Variants in SAXO1 observed in about 807,000 individuals in gnomAD.
SAXO1 encodes the protein 4930500O09Rik.
In SAXO1, 21 loss-of-function variants were observed where a neutral mutation model predicts 17.5. The observed-to-expected ratio is 1.20, with a 90% confidence interval of 0.85 to 1.72. SAXO1 has a LOEUF of 1.72. Among genes scored for constraint, SAXO1 ranks in the 40% most tolerant of loss-of-function variants. The pLI is 0.00. For missense variants in SAXO1, 843 were observed against 596.0 expected (o/e 1.41, Z -4.32); for synonymous variants, 274 against 216.5 (o/e 1.27, Z -2.33).
chr9:18,928,379 C>T lies in SAXO1; in HGVS notation c.1098G>A (p.Glu366=). ...KPVPQLDLPT[E]PLDCLTTTRA... is the part of the protein sequence containing the mutation. ...GAGTGGTGGTCAGGCAGTCCAGGGG[C>T]TCGGTGGGCAAGTCCAGCTGGGGAA... Residue 366 remains glutamate (E), a synonymous_variant, in exon 4 of 4, where the codon GAG becomes GAA. Transcript: ENST00000380534. 6.2e-7 allele frequency: 1 copy of T among 1,612,202 alleles called. No homozygotes were observed. Among genetic ancestry groups the T allele is most frequent in the Non-Finnish European group, 8.5e-7 (1 of 1,179,196 alleles).
intron 1 of SAXO1, among the ~76,000 whole-genome samples, chr9:19,018,259 A>G (rs1314842007): frequency 6.6e-6 from 1 of 152,110 alleles, no homozygotes; most frequent in East Asian, 1.9e-4. Flanking sequence ...AAAGTTATTT[A>G]TGATTCTTCA....
chr9:19,041,852 C>G (rs1402339291), intron 1 of SAXO1, among the ~76,000 whole-genome samples: 1 of 152,102 alleles, frequency 6.6e-6, no homozygotes, highest in Admixed American at 6.6e-5. Flanking sequence ...TACAAGAAAA[C>G]ATTGGAAAAC....
chr9:18,989,894 C>T (rs982799405), intron 1 of SAXO1, among the ~76,000 whole-genome samples: 5 of 152,266 alleles, frequency 3.3e-5, no homozygotes, highest in Non-Finnish European at 5.9e-5. Flanking sequence ...AGATTGTAAC[C>T]TTTGAGGACC....
intron 1 of SAXO1, among the ~76,000 whole-genome samples, chr9:18,991,213 G>T (rs1317105756): frequency 6.6e-6 from 1 of 152,118 alleles, no homozygotes; most frequent in African/African-American, 2.4e-5. Flanking sequence ...AGCCAAGATT[G>T]CACCACTACA....
At chr9:19,023,606 T>C (rs2131026307) in intron 1 of SAXO1, among the ~76,000 whole-genome samples, 1 of 152,288 alleles carries the variant, frequency 6.6e-6, no homozygotes, top group Non-Finnish European at 1.5e-5. Flanking sequence ...CTTCTCGTAG[T>C]CAATCATCAC....
At chr9:18,982,491 G>A (rs570143390) in intron 1 of SAXO1, among the ~76,000 whole-genome samples, 29 of 152,222 alleles carry the variant, frequency 1.9e-4, no homozygotes, top group African/African-American at 6.5e-4. Flanking sequence ...AAAAGGACCC[G>A]GGACAAGAGC....
At chr9:18,966,882 A>G (rs886519157) in intron 1 of SAXO1, among the ~76,000 whole-genome samples, 1 of 152,086 alleles carries the variant, frequency 6.6e-6, no homozygotes. Context: ...TCGTGGATTT[A>G]TCTACCTTTA....
intron 1 of SAXO1, among the ~76,000 whole-genome samples, chr9:18,984,378 T>C (rs1833511986): frequency 2.0e-5 from 3 of 152,364 alleles, no homozygotes; most frequent in South Asian, 4.1e-4. Flanking sequence ...CCTCTCCAGC[T>C]ATAAAAGTCC....
At chr9:19,031,601 T>C (rs1332676540) in intron 1 of SAXO1, among the ~76,000 whole-genome samples, 1 of 152,206 alleles carries the variant, frequency 6.6e-6, no homozygotes, top group Non-Finnish European at 1.5e-5. Context: ...AAAAAGGTTT[T>C]GCTTGGTAAC....
intron 1 of SAXO1, among the ~76,000 whole-genome samples, chr9:18,974,390 G>A (rs1833056553): frequency 6.6e-6 from 1 of 152,184 alleles, no homozygotes; most frequent in Admixed American, 6.5e-5. Context: ...TACATTGTGT[G>A]TGTATCTATA....
intron 3 of SAXO1, among the ~76,000 whole-genome samples, chr9:18,935,637 C>A (rs1223651216): frequency 6.6e-6 from 1 of 152,180 alleles, no homozygotes; most frequent in Non-Finnish European, 1.5e-5. Flanking sequence ...ACCAGGAATA[C>A]ATATGAGCTT....
At chr9:18,993,973 G>A (rs1008350531) in intron 1 of SAXO1, among the ~76,000 whole-genome samples, 9 of 152,146 alleles carry the variant, frequency 5.9e-5, no homozygotes, top group Non-Finnish European at 1.0e-4. Context: ...AAAGAAAGGC[G>A]AACCTACAAA....
intron 1 of SAXO1, among the ~76,000 whole-genome samples, chr9:18,953,077 T>C (rs1588432006): frequency 6.6e-6 from 1 of 152,230 alleles, no homozygotes; most frequent in South Asian, 2.1e-4. Context: ...ACTAGTACCC[T>C]ATCATTTTAG....
At chr9:19,031,359 A>G (rs1465205741) in intron 1 of SAXO1, among the ~76,000 whole-genome samples, 1 of 152,202 alleles carries the variant, frequency 6.6e-6, no homozygotes, top group Non-Finnish European at 1.5e-5. Flanking sequence ...TCAGGAGTTC[A>G]AAACCAGCCT....
intron 1 of SAXO1, among the ~76,000 whole-genome samples, chr9:18,996,782 G>C (rs776958140): frequency 3.9e-5 from 6 of 152,002 alleles, no homozygotes; most frequent in Non-Finnish European, 7.4e-5. Context: ...TCAGAAACAA[G>C]ATAAGGATCC....
chr9:19,009,990 C>G (rs1834657628), intron 1 of SAXO1, among the ~76,000 whole-genome samples: 1 of 152,056 alleles, frequency 6.6e-6, no homozygotes, highest in African/African-American at 2.4e-5. Context: ...CCACATCTGG[C>G]TAATTTTTTT....
Position 18,950,779 on chromosome 9 carries a change from A to G in SAXO1, c.197T>C (p.Met66Thr). ...RREYQKGPIP[M>T]EGLTTSRRDF... ...TCACCTTGATGTAGTCAGGCCTTCC[A>G]TTGGTATAGGCCCTTTCTGGTACTC... Residue 66 changes from methionine (M) to threonine (T), a missense_variant, in exon 2 of 4, where the codon ATG becomes ACG. Transcript: ENST00000380534. The G allele has an allele frequency of 6.2e-7, 1 of 1,613,396 alleles. No homozygotes were observed. Among genetic ancestry groups the G allele is most frequent in the African/African-American group, 1.3e-5 (1 of 74,990 alleles).
At chr9:18,961,945 A>T (rs1420923034) in intron 1 of SAXO1, among the ~76,000 whole-genome samples, 2 of 152,208 alleles carry the variant, frequency 1.3e-5, no homozygotes. Context: ...ACTAATTTAC[A>T]ATTCCACCAA....
At chr9:18,978,788 G>A (rs1457302642) in intron 1 of SAXO1, among the ~76,000 whole-genome samples, 1 of 152,202 alleles carries the variant, frequency 6.6e-6, no homozygotes, top group East Asian at 1.9e-4. Flanking sequence ...TCCTGTCAGA[G>A]AAGCTAAATA....
Sources: allele counts gnomAD v4.1 joint callset (sites outside exome capture counted in the v4.1 genomes callset), GRCh38; gene constraint gnomAD v4.1.1; transcripts MANE v1.5; gene names NCBI Gene and HGNC (gene_info 2026-07-23, HGNC 2026-07-21).